The following GOLGA8B variants were observed in gnomAD, a reference collection of about 807,000 sequenced individuals.
GOLGA8B encodes the protein golgin subfamily A member 8B.
A neutral mutation model predicts 15.6 loss-of-function variants in GOLGA8B; 1 was observed. The ratio of observed to expected loss-of-function variants is 0.06; its 90% confidence interval spans 0.02 to 0.30. The LOEUF (loss-of-function observed/expected upper bound fraction) is 0.30. Among genes scored for constraint, GOLGA8B ranks in the 10% least tolerant of loss-of-function variants. GOLGA8B has a pLI of 1.00. For missense variants in GOLGA8B, 17 were observed against 201.3 expected, an observed-to-expected ratio of 0.08 and a Z score of 5.54; for synonymous variants, 9 against 80.3, an observed-to-expected ratio of 0.11 and a Z score of 4.75.
chr15:34,582,328 C>T (rs985275332), intron 1 of GOLGA8B, among the ~76,000 whole-genome samples: 4 of 152,246 alleles, frequency 2.6e-5, no homozygotes, highest in African/African-American at 9.6e-5. Context: ...CCACTTCAAC[C>T]TGCAAAGCTC....
intron 1 of GOLGA8B, among the ~76,000 whole-genome samples, chr15:34,575,541 C>G (rs200003600): frequency 4.6e-5 from 7 of 151,776 alleles, no homozygotes; most frequent in African/African-American, 1.7e-4. Context: ...GGAACTGCCC[C>G]CCAACCCCCA....
intron 1 of GOLGA8B, chr15:34,581,586 T>G (rs1416155744): frequency 1.3e-5 from 2 of 152,180 alleles, no homozygotes; most frequent in Non-Finnish European, 2.9e-5. Context: ...TTTTTTTTTT[T>G]TAAAGGTTAG....
chr15:34,557,644 A>ATGTG (rs780443805), intron 1 of GOLGA8B, among the ~76,000 whole-genome samples: 10,951 of 75,950 alleles, frequency 0.14, 1,625 homozygotes, highest in Non-Finnish European at 0.2. Flanking sequence ...GAATTCATGA[A>ATGTG]TGTGTGTGTG....
intron 1 of GOLGA8B, among the ~76,000 whole-genome samples, chr15:34,575,986 T>C (rs1889066609): frequency 6.6e-6 from 1 of 152,186 alleles, no homozygotes; most frequent in Admixed American, 6.5e-5. Flanking sequence ...AAGTGAAGGG[T>C]ACCTGCTCCC....
intron 1 of GOLGA8B, among the ~76,000 whole-genome samples, chr15:34,570,875 A>T (rs1288797265): frequency 3.6e-5 from 4 of 109,850 alleles, no homozygotes; most frequent in East Asian, 5.0e-4. Context: ...AGCTCCAGTG[A>T]TGGAGGCAAA....
At chr15:34,571,113 C>T (rs1398702979) in intron 1 of GOLGA8B, among the ~76,000 whole-genome samples, 29 of 150,064 alleles carry the variant, frequency 1.9e-4, no homozygotes, top group Non-Finnish European at 1.0e-4. Flanking sequence ...ATCACTTAAG[C>T]TCAGCAGTTC....
chr15:34,564,376 AAAG>A (rs1888702069), intron 1 of GOLGA8B, among the ~76,000 whole-genome samples: 2 of 151,452 alleles, frequency 1.3e-5, no homozygotes, highest in South Asian at 4.2e-4. Flanking sequence ...AAAAAAAAAA[AAAG>A]GATTGCTTCA....
intron 11 of GOLGA8B, among the ~76,000 whole-genome samples, chr15:34,532,448 G>C (rs369924772): frequency 8.0e-4 from 87 of 108,238 alleles, no homozygotes; most frequent in African/African-American, 2.4e-3. Flanking sequence ...AGAGCTAACA[G>C]AGACCTTTGA....
At chr15:34,577,805 T>G (rs1213493983) in intron 1 of GOLGA8B, among the ~76,000 whole-genome samples, 2 of 152,196 alleles carry the variant, frequency 1.3e-5, no homozygotes, top group African/African-American at 2.4e-5. Context: ...GGTGCCCCTG[T>G]CTAGGGCACT....
chr15:34,580,328 A>T (rs1262009979), intron 1 of GOLGA8B, among the ~76,000 whole-genome samples: 1 of 152,186 alleles, frequency 6.6e-6, no homozygotes, highest in African/African-American at 2.4e-5. Context: ...AGGCCGAGAC[A>T]CATGGATGTG....
At chr15:34,580,458 C>T (rs973113744) in intron 1 of GOLGA8B, among the ~76,000 whole-genome samples, 13 of 148,076 alleles carry the variant, frequency 8.8e-5, no homozygotes, top group Non-Finnish European at 1.8e-4. Flanking sequence ...ATAAAGCACA[C>T]AGCAATGGCA....
chr15:34,573,216 A>G (rs149815678), intron 1 of GOLGA8B, among the ~76,000 whole-genome samples: 1 of 152,208 alleles, frequency 6.6e-6, no homozygotes, highest in South Asian at 2.1e-4. Flanking sequence ...ATTGGAGAAT[A>G]AAACAAAATA....
Position 34,568,932 on chromosome 15 carries a change from CGTGCGCTT to C in GOLGA8B, c.-1123+14576_-1123+14583del, listed in dbSNP as rs1888832380. Reference sequence around the variant, plus strand: ...ACTTGGCCTTGTGTACGCTCGCGCTCGTGCGCTTGTGCGCTCTCTCTCGCTCTCGCTCT... The same window carrying C: ...ACTTGGCCTTGTGTACGCTCGCGCTCGTGCGCTCTCTCTCGCTCTCGCTCT... On this transcript the variant is annotated intron_variant, in intron 1 of 23. Coordinates refer to ENST00000683415, the MANE Select transcript of GOLGA8B (RefSeq NM_001023567.5). Among the ~76,000 whole-genome samples, 3 of 147,346 alleles carry C rather than the reference CGTGCGCTT, an allele frequency of 2.0e-5. No homozygotes were observed. The South Asian group carries it at 6.3e-4, about 31-fold the overall frequency.
At chr15:34,567,222 C>T (rs1888788163) in intron 1 of GOLGA8B, among the ~76,000 whole-genome samples, 1 of 145,054 alleles carries the variant, frequency 6.9e-6, no homozygotes, top group Admixed American at 6.8e-5. Context: ...ATTCCTTCCA[C>T]ATCCTGGTCA....
At chr15:34,571,257 G>A (rs558534306) in intron 1 of GOLGA8B, among the ~76,000 whole-genome samples, 158 of 152,252 alleles carry the variant, frequency 1.0e-3, no homozygotes, top group Middle Eastern at 3.4e-3. Context: ...AGGCTGCAAT[G>A]AGCCGTGTTT....
At chr15:34,581,942 C>G (rs144851039) in intron 1 of GOLGA8B, among the ~76,000 whole-genome samples, 1 of 152,220 alleles carries the variant, frequency 6.6e-6, no homozygotes, top group Non-Finnish European at 1.5e-5. Context: ...CCACCGAGGG[C>G]TGCCGGCACA....
At chr15:34,556,962 C>A (rs1385833261) in intron 1 of GOLGA8B, 6 of 599,464 alleles carry the variant, frequency 1.0e-5, no homozygotes, top group African/African-American at 9.7e-5. Flanking sequence ...CTTCATTGGT[C>A]CAGTTGGGAG....
At chr15:34,569,296 C>A (rs557572874) in intron 1 of GOLGA8B, among the ~76,000 whole-genome samples, 2 of 147,748 alleles carry the variant, frequency 1.4e-5, no homozygotes, top group Non-Finnish European at 3.0e-5. Flanking sequence ...GATGGGAAGA[C>A]GACAAACTAA....
In GOLGA8B at chr15:34,527,218, A is replaced by T; in HGVS notation, c.*414T>A. The T allele has an allele frequency of 3.0e-6, 1 of 332,760 alleles. No individual in the cohort carries two copies. Among genetic ancestry groups the T allele is most frequent in the Non-Finnish European group, 5.7e-6 (1 of 174,336 alleles). 20.6% of individuals were successfully genotyped at this position (332,760 alleles called of 1,614,324 possible). On this transcript the variant is annotated 3_prime_UTR_variant, in exon 24 of 24. Transcript: ENST00000683415. ...AAGATGAGATCAAACATCATAGCAG[A>T]ACATTAGCAAATTTTATCTGAATTC... is the stretch of plus-strand genomic sequence containing the variant.
Sources: gnomAD v4.1 joint callset for allele counts (sites outside exome capture counted in the v4.1 genomes callset) on GRCh38, gnomAD v4.1.1 for gene constraint, MANE v1.5 for transcripts, NCBI Gene and HGNC (gene_info 2026-07-23, HGNC 2026-07-21) for gene names.